Variants in ANK1 observed in about 807,000 individuals in gnomAD.
The protein encoded by ANK1 is ankyrin 1, also known as ankyrin-1.
Under a neutral mutation model 210.4 loss-of-function variants are expected in ANK1, and 51 were observed. The ratio of observed to expected loss-of-function variants is 0.24; its 90% CI spans 0.19 to 0.31. ANK1 has a LOEUF of 0.31. ANK1 is among the 10% of genes least tolerant of loss of function. ANK1 has a pLI of 1.00. For synonymous variants in ANK1, 967 were observed against 1,025.9 expected, an observed-to-expected ratio of 0.94 and a Z score of 1.10; for missense variants, 2,051 against 2,504.4, an observed-to-expected ratio of 0.82 and a Z score of 3.86.
At chr8:41,691,323 T>C (rs773171171) in intron 31 of ANK1, among the ~76,000 whole-genome samples, 1 of 152,170 alleles carries the variant, frequency 6.6e-6, no homozygotes, top group Non-Finnish European at 1.5e-5. Context: ...TCTCACTCAT[T>C]GTTATGGGTG....
At chr8:41,829,935 C>CAAAAAAAAAAAAAAAAA (rs71548545) in intron 1 of ANK1, 1 of 71,604 alleles carries the variant, frequency 1.4e-5, no homozygotes, top group Non-Finnish European at 2.8e-5. Flanking sequence ...GACTCTGTCT[C>CAAAAAAAAAAAAAAAAA]AAAAAAAAAA....
intron 1 of ANK1, among the ~76,000 whole-genome samples, chr8:41,856,049 A>G (rs190709179): frequency 3.3e-5 from 5 of 152,324 alleles, no homozygotes; most frequent in African/African-American, 1.2e-4. Flanking sequence ...CCAGAAGTCC[A>G]TGGATGAAAT....
chr8:41,824,110 C>T (rs1400848962), intron 1 of ANK1, among the ~76,000 whole-genome samples: 1 of 152,024 alleles, frequency 6.6e-6, no homozygotes, highest in Non-Finnish European at 1.5e-5. Context: ...CAGGTGCACG[C>T]CACCATGCCT....
intron 1 of ANK1, among the ~76,000 whole-genome samples, chr8:41,803,915 T>C (rs1850546466): frequency 6.6e-6 from 1 of 152,202 alleles, no homozygotes; most frequent in African/African-American, 2.4e-5. Context: ...ACCATTGAAT[T>C]AGAGTTGTGG....
intron 1 of ANK1, among the ~76,000 whole-genome samples, chr8:41,796,426 A>T (rs1411804855): frequency 6.6e-6 from 1 of 151,586 alleles, no homozygotes; most frequent in Non-Finnish European, 1.5e-5. Context: ...CTCACCCTGA[A>T]CCTCTGCCCT....
intron 1 of ANK1, among the ~76,000 whole-genome samples, chr8:41,775,166 C>T (rs1450715086): frequency 6.6e-6 from 1 of 152,228 alleles, no homozygotes; most frequent in African/African-American, 2.4e-5. Flanking sequence ...GCATGGCACG[C>T]TCTTCCTCAG....
rs548293915 is a variant in ANK1 at position 41,873,769 on chromosome 8, A to G, written c.126+22586T>C. On this transcript the variant is annotated intron_variant, in intron 1 of 42. Transcript: ENST00000265709. ...TGCCGGCTTCACAGCACTGGACCTC[A>G]GAGACCTTGGATGCTGCAGCCCCAG... is the stretch of plus-strand genomic sequence containing the variant. 3.9e-5 allele frequency among the ~76,000 whole-genome samples: 6 copies of G among 152,342 alleles called. No homozygotes were observed. In the East Asian group the frequency reaches 7.7e-4, roughly 20 times the overall value.
intron 18 of ANK1, among the ~76,000 whole-genome samples, chr8:41,705,554 C>T (rs1824333834): frequency 6.6e-6 from 1 of 152,168 alleles, no homozygotes; most frequent in Non-Finnish European, 1.5e-5. Flanking sequence ...AATATGGTTC[C>T]CTTGTGGGGA....
At chr8:41,748,067 G>A (rs966315624) in intron 2 of ANK1, among the ~76,000 whole-genome samples, 3 of 152,192 alleles carry the variant, frequency 2.0e-5, no homozygotes, top group African/African-American at 7.2e-5. Flanking sequence ...TCAAGCACCT[G>A]CTCTAACCAA....
At chr8:41,713,060 G>T (rs971876860) in intron 16 of ANK1, among the ~76,000 whole-genome samples, 1 of 152,222 alleles carries the variant, frequency 6.6e-6, no homozygotes, top group Non-Finnish European at 1.5e-5. Flanking sequence ...GAGGGAGAAC[G>T]CGCCGAAGCC....
intron 8 of ANK1, 65 bp from the exon 9 acceptor site, chr8:41,723,288 A>G: frequency 6.5e-7 from 1 of 1,532,960 alleles, no homozygotes. Flanking sequence ...TTTGGAGAGA[A>G]GACTGCCTAT....
At chr8:41,892,978 C>T (rs1819734054) in intron 1 of ANK1, among the ~76,000 whole-genome samples, 1 of 152,134 alleles carries the variant, frequency 6.6e-6, no homozygotes, top group South Asian at 2.1e-4. Context: ...GGGGTCTCAC[C>T]GTGTTGCAGG....
intron 1 of ANK1, among the ~76,000 whole-genome samples, chr8:41,803,079 GGAAGGGAAGGA>G: frequency 4.7e-5 from 1 of 21,340 alleles, no homozygotes; most frequent in Non-Finnish European, 8.9e-5. Context: ...AAGGAAGGAA[GGAAGGGAAGGA>G]AAGGAAAGGA....
At chr8:41,871,724 A>T (rs898716922) in intron 1 of ANK1, among the ~76,000 whole-genome samples, 3 of 152,222 alleles carry the variant, frequency 2.0e-5, no homozygotes, top group African/African-American at 4.8e-5. Context: ...TCTGCTGGTC[A>T]AGGCACCCAG....
At chr8:41,896,241 A>C in intron 1 of ANK1, 1 of 1,351,880 alleles carries the variant, frequency 7.4e-7, no homozygotes, top group Non-Finnish European at 9.5e-7. Context: ...GGTGCCGCCA[A>C]CTCCGCCGCA....
chr8:41,780,900 G>C (rs1405478557), intron 1 of ANK1, among the ~76,000 whole-genome samples: 1 of 152,084 alleles, frequency 6.6e-6, no homozygotes, highest in Non-Finnish European at 1.5e-5. Flanking sequence ...TTAGTTTCTG[G>C]GGCTGGGGAC....
At chr8:41,773,101 C>G (rs1843277072) in intron 1 of ANK1, among the ~76,000 whole-genome samples, 1 of 152,184 alleles carries the variant, frequency 6.6e-6, no homozygotes, top group Non-Finnish European at 1.5e-5. Flanking sequence ...ATGGCAGTGA[C>G]AGAAGAAAGG....
intron 2 of ANK1, among the ~76,000 whole-genome samples, chr8:41,750,761 G>A (rs1837511807): frequency 6.6e-6 from 1 of 152,180 alleles, no homozygotes; most frequent in Non-Finnish European, 1.5e-5. Flanking sequence ...AGAAAAATGA[G>A]ACAGGCAAAG....
intron 39 of ANK1, chr8:41,664,769 A>G (rs1313406137): frequency 6.4e-7 from 1 of 1,566,962 alleles, no homozygotes; most frequent in Admixed American, 1.8e-5. Context: ...CGGCGCCCAC[A>G]CCACCAGCCC....
Sources: gnomAD v4.1 joint callset for allele counts (sites outside exome capture counted in the v4.1 genomes callset) on GRCh38, gnomAD v4.1.1 for gene constraint, MANE v1.5 for transcripts, NCBI Gene and HGNC (gene_info 2026-07-23, HGNC 2026-07-21) for gene names.